EMC8: variants seen among roughly 807,000 people sequenced by gnomAD.
EMC8 encodes the protein COX4 neighbor.
In EMC8, 11 loss-of-function variants were observed where a neutral mutation model predicts 24.3. The ratio of observed to expected loss-of-function variants is 0.45; its 90% CI spans 0.28 to 0.75. EMC8 has a LOEUF of 0.75. Ranked by LOEUF, EMC8 falls within the 30% of genes least tolerant of loss-of-function variation. The probability of loss-of-function intolerance (pLI) is 0.12; values close to 1 mark genes in which losing one functional copy is unlikely to be tolerated. For missense variants in EMC8, 277 were observed against 282.7 expected (o/e 0.98, Z 0.14); for synonymous variants, 145 against 117.7 (o/e 1.23, Z -1.50).
intron 2 of EMC8, among the ~76,000 whole-genome samples, chr16:85,782,208 G>T (rs946610861): frequency 4.6e-5 from 7 of 152,332 alleles, no homozygotes; most frequent in African/African-American, 1.4e-4. Context: ...CTTGTCCACT[G>T]TAACAAGTAA....
chr16:85,783,999 CT>C (rs920465069), intron 2 of EMC8, among the ~76,000 whole-genome samples: 13 of 151,542 alleles, frequency 8.6e-5, no homozygotes, highest in African/African-American at 3.2e-4. Context: ...ATCCATCTTT[CT>C]TTTTTTTTCT....
intron 2 of EMC8, 171 bp downstream of exon 2, chr16:85,788,803 T>A: frequency 1.6e-6 from 1 of 619,818 alleles, no homozygotes. Flanking sequence ...TTGGAATTTC[T>A]GTTGTTTGGA....
rs1597197074 is a variant in EMC8, at chr16:85,779,330, G to A, written c.*378C>T. 1.4e-5 allele frequency: 1 copy of A among 74,052 alleles called. No homozygotes were observed. Among genetic ancestry groups the A allele is most frequent in the African/African-American group, 5.3e-5 (1 of 18,738 alleles). The allele number at this position is 74,052 out of a possible 1,614,324, so 4.6% of individuals were successfully genotyped here. A position where few individuals can be genotyped will look rare whatever the true frequency, so the allele number is the denominator to read the frequency against. ...ACACACTCATTGGAGTATAAGATGT[G>A]GGCTTTTTTTTTTTTTTTTAAAAAA... On this transcript the variant is annotated 3_prime_UTR_variant, in exon 5 of 5. Coordinates refer to ENST00000253457, the MANE Select transcript of EMC8 (RefSeq NM_006067.5).
intron 1 of EMC8, among the ~76,000 whole-genome samples, chr16:85,792,208 A>G (rs544025729): frequency 1.4e-4 from 21 of 152,328 alleles, no homozygotes; most frequent in African/African-American, 5.1e-4. Context: ...AAACACATGT[A>G]TATCTCAACT....
chr16:85,795,856 G>A (rs1227197522), intron 1 of EMC8, among the ~76,000 whole-genome samples: 2 of 152,152 alleles, frequency 1.3e-5, no homozygotes, highest in African/African-American at 4.8e-5. Flanking sequence ...TCAACCCGTG[G>A]GCTCTGACAC....
At position 85,799,330 on chromosome 16, in the gene EMC8, C is replaced by T. The variant is rs201630555; in HGVS notation, c.-35G>A. The T allele has an allele frequency of 9.6e-5, 142 of 1,474,176 alleles. 1 individual carries two copies. The Admixed American group carries it at 2.5e-3, about 26-fold the overall frequency. The allele number at this position is 1,474,176 out of a possible 1,614,324, so 91.3% of individuals were successfully genotyped here. A position where few individuals can be genotyped will look rare whatever the true frequency, so the allele number is the denominator to read the frequency against. On this transcript the variant is annotated 5_prime_UTR_variant, in exon 1 of 5. Coordinates refer to ENST00000253457, the MANE Select transcript of EMC8 (RefSeq NM_006067.5). This position sits in a 1 kb window ranked among gnomAD's most constrained non-coding sequence, Gnocchi z 4.2. ...GGAGGGCCCCGGAGGCCCCTGGGCG[C>T]GCGGCTGAGGCCTGGACCCGCTGCC...
chr16:85,795,132 T>C (rs1421781837), intron 1 of EMC8, among the ~76,000 whole-genome samples: 1 of 152,104 alleles, frequency 6.6e-6, no homozygotes, highest in Admixed American at 6.6e-5. Flanking sequence ...TCACATCCCA[T>C]AGTCGGAACA....
intron 1 of EMC8, among the ~76,000 whole-genome samples, chr16:85,789,685 G>A (rs959855694): frequency 1.3e-4 from 20 of 152,066 alleles, no homozygotes; most frequent in African/African-American, 4.8e-4. Flanking sequence ...CCAGCTACTC[G>A]GGAGGCTGAG....
chr16:85,794,823 G>A (rs986204715), intron 1 of EMC8, among the ~76,000 whole-genome samples: 2 of 152,188 alleles, frequency 1.3e-5, no homozygotes, highest in Admixed American at 6.5e-5. Context: ...GGGAGGTGCT[G>A]GAGGCTGGAT....
chr16:85,797,989 A>G (rs887684532), intron 1 of EMC8, among the ~76,000 whole-genome samples: 2 of 152,200 alleles, frequency 1.3e-5, no homozygotes, highest in South Asian at 2.1e-4. Context: ...TCACTTACCA[A>G]CTAGTCTACC....
intron 3 of EMC8, chr16:85,780,706 A>T: frequency 1.8e-6 from 1 of 562,858 alleles, no homozygotes; most frequent in Non-Finnish European, 3.2e-6. Flanking sequence ...GCTTCCAAAC[A>T]TGACTTCTTC....
rs1014774759 is a variant in EMC8 at position 85,791,038 on chromosome 16, G to C, written c.232-1988C>G. ...GACAAAGGTTTCATCATGTTGCCCA[G>C]GCTGATCTTGGACTCCTGGGTTCAA... On this transcript the variant is annotated intron_variant, in intron 1 of 4. Coordinates refer to ENST00000253457, the MANE Select transcript of EMC8 (RefSeq NM_006067.5). 2.6e-5 allele frequency among the ~76,000 whole-genome samples: 4 copies of C among 152,114 alleles called. No individual in the cohort carries two copies. In the South Asian group the frequency reaches 8.3e-4, roughly 32 times the overall value.
Position 85,799,285 on chromosome 16 carries a change from A to G in EMC8, c.11T>C (p.Val4Ala). 1 of 1,602,776 alleles carries G rather than the reference A, an allele frequency of 6.2e-7. No homozygotes were observed. The highest frequency in any genetic ancestry group is 1.3e-5 in the African/African-American group (1 of 74,576). Reference sequence around the variant, plus strand: ...GCAGTAGGCCTGGGTGGTCAGTTTCACCCCGGGCATGCTGACCCGGGAGGG... The same window carrying G: ...GCAGTAGGCCTGGGTGGTCAGTTTCGCCCCGGGCATGCTGACCCGGGAGGG... MPG[V>A]KLTTQAYCKM... is the part of the protein sequence containing the mutation. The change falls in exon 1 of 5, where the codon GTG (valine) becomes GCG (alanine). Residue 4 changes from valine (V) to alanine (A), a missense_variant. Transcript: ENST00000253457. The surrounding 1 kb of genome is among the most constrained non-coding windows in gnomAD (Gnocchi z 4.2).
chr16:85,797,494 T>C (rs1291317266), intron 1 of EMC8, among the ~76,000 whole-genome samples: 1 of 152,206 alleles, frequency 6.6e-6, no homozygotes, highest in Non-Finnish European at 1.5e-5. Context: ...ACAGCAGATA[T>C]CTTCAAGAGC....
At chr16:85,785,782 C>A (rs73259030) in intron 2 of EMC8, among the ~76,000 whole-genome samples, 4,474 of 152,236 alleles carry the variant, frequency 0.029, 219 homozygotes, top group African/African-American at 0.1. Context: ...ACTGCAGGCA[C>A]CCTGAAGGCA....
intron 2 of EMC8, among the ~76,000 whole-genome samples, chr16:85,786,289 T>C (rs1904750169): frequency 6.6e-6 from 1 of 152,270 alleles, no homozygotes; most frequent in Non-Finnish European, 1.5e-5. Flanking sequence ...TGAGGCAATA[T>C]TTCTAGAATA....
At chr16:85,782,205 A>G (rs1206925012) in intron 2 of EMC8, among the ~76,000 whole-genome samples, 1 of 152,146 alleles carries the variant, frequency 6.6e-6, no homozygotes, top group East Asian at 1.9e-4. Context: ...CAGCTTGTCC[A>G]CTGTAACAAG....
At chr16:85,795,254 G>C (rs942593106) in intron 1 of EMC8, among the ~76,000 whole-genome samples, 2 of 152,196 alleles carry the variant, frequency 1.3e-5, no homozygotes, top group East Asian at 3.8e-4. Flanking sequence ...TTTCTGACAG[G>C]ATTTTACATG....
chr16:85,789,642 A>G (rs1255628744), intron 1 of EMC8, among the ~76,000 whole-genome samples: 1 of 151,978 alleles, frequency 6.6e-6, no homozygotes, highest in East Asian at 1.9e-4. Context: ...AAATACAAAA[A>G]TTAGCTGGGC....
Sources: gnomAD v4.1 joint callset for allele counts (sites outside exome capture counted in the v4.1 genomes callset) on GRCh38, gnomAD v4.1.1 for gene constraint, Gnocchi (gnomAD v3.1) non-coding constraint, MANE v1.5 for transcripts, NCBI Gene and HGNC (gene_info 2026-07-23, HGNC 2026-07-21) for gene names.